Variants in TMEM132C observed in about 807,000 individuals in gnomAD.
TMEM132C encodes transmembrane protein 132C, also known as protein phosphatase 1, regulatory subunit 152.
Under a neutral mutation model 61.4 loss-of-function variants are expected in TMEM132C, and 29 were observed. The observed-to-expected ratio is 0.47, with a 90% CI of 0.35 to 0.64. The LOEUF is 0.64. TMEM132C is among the 30% of genes least tolerant of loss of function. TMEM132C has a pLI of 0.00. For missense variants in TMEM132C, 1,408 were observed against 1,476.9 expected, an observed-to-expected ratio of 0.95 and a Z score of 0.76; for synonymous variants, 656 against 633.1, an observed-to-expected ratio of 1.04 and a Z score of -0.54.
chr12:128,595,658 AG>A (rs1366714962), intron 3 of TMEM132C, among the ~76,000 whole-genome samples: 1 of 152,210 alleles, frequency 6.6e-6, no homozygotes, highest in East Asian at 1.9e-4. Context: ...GAGGCCAGGC[AG>A]CAGCTGCCTT....
At chr12:128,577,563 G>T (rs555405414) in intron 3 of TMEM132C, among the ~76,000 whole-genome samples, 1 of 152,336 alleles carries the variant, frequency 6.6e-6, no homozygotes, top group African/African-American at 2.4e-5. Flanking sequence ...CTGTCCCCAA[G>T]CCTTGAAAAT....
intron 2 of TMEM132C, among the ~76,000 whole-genome samples, chr12:128,524,634 C>T (rs1284308818): frequency 6.6e-6 from 1 of 152,124 alleles, no homozygotes. Context: ...AAAATTCCAC[C>T]GTGAGAAGCT....
chr12:128,426,718 TAACA>T (rs1447264061), intron 2 of TMEM132C, among the ~76,000 whole-genome samples: 13 of 152,124 alleles, frequency 8.5e-5, no homozygotes, highest in Non-Finnish European at 1.5e-5. Flanking sequence ...CAGCTCCCCA[TAACA>T]CATCTGGGTT....
chr12:128,619,287 G>C (rs890411567), intron 4 of TMEM132C, among the ~76,000 whole-genome samples: 5 of 152,180 alleles, frequency 3.3e-5, no homozygotes, highest in African/African-American at 9.6e-5. Context: ...GGAAGTTCTT[G>C]CCTTAAAATC....
intron 3 of TMEM132C, among the ~76,000 whole-genome samples, chr12:128,567,498 TAGA>T (rs1874744059): frequency 6.7e-6 from 1 of 150,042 alleles, no homozygotes; most frequent in African/African-American, 2.4e-5. Flanking sequence ...TGGAAAGTGA[TAGA>T]GGTGACTACG....
At chr12:128,447,254 C>T (rs1442393297) in intron 2 of TMEM132C, among the ~76,000 whole-genome samples, 1 of 152,196 alleles carries the variant, frequency 6.6e-6, no homozygotes, top group Non-Finnish European at 1.5e-5. Flanking sequence ...TTTGGCCACA[C>T]ACCATCCTTT....
chr12:128,267,885 C>T (rs1190943141), intron 1 of TMEM132C, among the ~76,000 whole-genome samples: 1 of 152,230 alleles, frequency 6.6e-6, no homozygotes, highest in Non-Finnish European at 1.5e-5. Flanking sequence ...CTGTGCGCTC[C>T]TTCCTCCCGG....
At chr12:128,384,279 T>A (rs889973236) in intron 1 of TMEM132C, among the ~76,000 whole-genome samples, 2 of 152,054 alleles carry the variant, frequency 1.3e-5, no homozygotes, top group African/African-American at 2.4e-5. Context: ...TGGGAAAAGA[T>A]CTGGGGGCGC....
intron 1 of TMEM132C, among the ~76,000 whole-genome samples, chr12:128,354,539 T>TC (rs1265848966): frequency 6.6e-6 from 1 of 151,354 alleles, no homozygotes; most frequent in African/African-American, 2.4e-5. Context: ...TGCCACTCCC[T>TC]CCCCCACCTC....
chr12:128,447,663 C>CA (rs1160378705), intron 2 of TMEM132C, among the ~76,000 whole-genome samples: 2 of 145,936 alleles, frequency 1.4e-5, no homozygotes, highest in African/African-American at 5.1e-5. Context: ...GAGTAAGAGT[C>CA]AGAGTCACCA....
intron 3 of TMEM132C, among the ~76,000 whole-genome samples, chr12:128,612,401 T>A (rs1166961397): frequency 6.6e-6 from 1 of 151,730 alleles, no homozygotes; most frequent in Non-Finnish European, 1.5e-5. Flanking sequence ...GAAACTTGTA[T>A]TTTTTTTTCC....
At position 128,425,920 on chromosome 12, in the gene TMEM132C, C is replaced by G. The variant is rs117408405; in HGVS notation, c.974+10300C>G. Among the ~76,000 whole-genome samples, 759 of 152,336 alleles carry G rather than the reference C, an allele frequency of 5.0e-3. 10 individuals carry two copies. Among genetic ancestry groups the G allele is most frequent in the Admixed American group, 0.039 (604 of 15,304 alleles). On this transcript the variant is annotated intron_variant, in intron 2 of 8. Transcript: ENST00000435159. ...TTAACTAATTCCATCTGCAAAGGAC[C>G]TGTTTCCAAATCAGGTTGCGTTCTG...
rs1209522639 is a variant in TMEM132C, at chr12:128,453,408, G to A, written c.974+37788G>A. ...GGACTGCTGAGCTTCTCCCTTTGTG[G>A]TCTTTCAACCTCTCTAGTTTCTCCC... On this transcript the variant is annotated intron_variant, in intron 2 of 8. Coordinates refer to ENST00000435159, the MANE Select transcript of TMEM132C (RefSeq NM_001136103.3). 2.0e-5 allele frequency among the ~76,000 whole-genome samples: 3 copies of A among 152,154 alleles called. No homozygotes were observed. In the East Asian group the frequency reaches 5.8e-4, roughly 29 times the overall value.
chr12:128,377,317 G>T (rs2630219), intron 1 of TMEM132C, among the ~76,000 whole-genome samples: 145,570 of 152,300 alleles, frequency 0.96, 69,911 homozygotes, highest in East Asian at 1. Context: ...CCTCCCAAAG[G>T]GTTGGGATTA....
At chr12:128,623,668 C>T (rs1294513020) in intron 4 of TMEM132C, among the ~76,000 whole-genome samples, 5 of 151,760 alleles carry the variant, frequency 3.3e-5, no homozygotes, top group Non-Finnish European at 5.9e-5. Flanking sequence ...ATCAGCCGGG[C>T]GTGATGGCAG....
At chr12:128,396,333 A>C (rs975581224) in intron 1 of TMEM132C, among the ~76,000 whole-genome samples, 7 of 151,972 alleles carry the variant, frequency 4.6e-5, no homozygotes, top group Admixed American at 2.6e-4. Context: ...GGAGTTGAAC[A>C]ATGAGAACAC....
At chr12:128,428,962 AT>A (rs1869290657) in intron 2 of TMEM132C, among the ~76,000 whole-genome samples, 1 of 152,100 alleles carries the variant, frequency 6.6e-6, no homozygotes, top group East Asian at 1.9e-4. Flanking sequence ...TATTACATGT[AT>A]TTTTCTGGAC....
chr12:128,398,335 C>G (rs116113660), intron 1 of TMEM132C, among the ~76,000 whole-genome samples: 2,319 of 152,286 alleles, frequency 0.015, 55 homozygotes, highest in African/African-American at 0.053. Context: ...TTTGTGTCTA[C>G]CAAGGACTGA....
chr12:128,649,054 A>G (rs913006938), intron 4 of TMEM132C, among the ~76,000 whole-genome samples: 1 of 151,954 alleles, frequency 6.6e-6, no homozygotes, highest in African/African-American at 2.4e-5. Flanking sequence ...ATTGGAGTCC[A>G]TCAGCATTGT....
Sources: allele counts gnomAD v4.1 joint callset (sites outside exome capture counted in the v4.1 genomes callset), GRCh38; gene constraint gnomAD v4.1.1; transcripts MANE v1.5; gene names NCBI Gene and HGNC (gene_info 2026-07-23, HGNC 2026-07-21).